DDX43: variants seen among roughly 807,000 people sequenced by gnomAD.
The protein encoded by DDX43 is DEAD-box helicase 43, also known as probable ATP-dependent RNA helicase DDX43.
A neutral mutation model predicts 84.9 loss-of-function variants in DDX43; 50 were observed. That is an observed-to-expected ratio of 0.59 (90% CI 0.47 to 0.75). The LOEUF is 0.75. DDX43 is among the 30% of genes least tolerant of loss of function. The probability of loss-of-function intolerance (pLI) is 0.00; values close to 1 mark genes in which losing one functional copy is unlikely to be tolerated. For missense variants in DDX43, 689 were observed against 798.6 expected (o/e 0.86, Z 1.65); for synonymous variants, 291 against 266.3 (o/e 1.09, Z -0.90).
At chr6:73,397,587 T>G in intron 1 of DDX43, 102 bp from the exon 2 acceptor site, 1 of 904,054 alleles carries the variant, frequency 1.1e-6, no homozygotes, top group Non-Finnish European at 1.7e-6. Context: ...CCTAGGAGCA[T>G]TTGGGGGGAA....
chr6:73,414,483 T>C (rs557349933), intron 13 of DDX43, 65 bp from the exon 14 acceptor site: 1 of 1,305,204 alleles, frequency 7.7e-7, no homozygotes, highest in East Asian at 2.4e-5. Flanking sequence ...GGGCAAATAT[T>C]ATTTTTAGAT....
intron 11 of DDX43, among the ~76,000 whole-genome samples, chr6:73,412,723 T>G (rs1462354761): frequency 6.5e-5 from 4 of 61,190 alleles, no homozygotes; most frequent in Admixed American, 6.2e-4. Flanking sequence ...GCAAGTGATA[T>G]ATAGCGTGTG....
intron 10 of DDX43, among the ~76,000 whole-genome samples, chr6:73,410,349 C>A (rs1007431060): frequency 6.6e-6 from 1 of 151,820 alleles, no homozygotes; most frequent in Non-Finnish European, 1.5e-5. Flanking sequence ...GTATTTTTAC[C>A]GATGGGGTTT....
At chr6:73,396,752 G>C (rs891758354) in intron 1 of DDX43, among the ~76,000 whole-genome samples, 3 of 152,104 alleles carry the variant, frequency 2.0e-5, no homozygotes, top group African/African-American at 7.2e-5. Context: ...CCATCCCAGG[G>C]ACCCACCATT....
At chr6:73,397,032 A>G (rs751575257) in intron 1 of DDX43, among the ~76,000 whole-genome samples, 7 of 152,192 alleles carry the variant, frequency 4.6e-5, no homozygotes, top group Admixed American at 6.6e-5. Context: ...GAAGTGCAAT[A>G]TATCTTTGAG....
At chr6:73,406,025 CT>C (rs149776059) in intron 6 of DDX43, among the ~76,000 whole-genome samples, 190 bp downstream of exon 6, 1,891 of 135,564 alleles carry the variant, frequency 0.014, 14 homozygotes, top group Middle Eastern at 0.022. Flanking sequence ...AAAATATGTA[CT>C]TTTTTTTTTT....
chr6:73,407,105 C>G (rs549542636), intron 7 of DDX43: 1 of 162,600 alleles, frequency 6.2e-6, no homozygotes, highest in South Asian at 1.8e-4. Context: ...CTATGTCTAA[C>G]TGATACTCAT....
intron 7 of DDX43, 66 bp from the exon 8 acceptor site, chr6:73,407,439 G>C: frequency 9.0e-7 from 1 of 1,112,038 alleles, no homozygotes; most frequent in Non-Finnish European, 1.4e-6. Context: ...AATCTTGATG[G>C]TACTGAATAA....
At chr6:73,412,442 T>C in intron 11 of DDX43, 150 bp downstream of exon 11, 1 of 622,046 alleles carries the variant, frequency 1.6e-6, no homozygotes, top group South Asian at 2.0e-5. Context: ...GATTATCTCA[T>C]TTGAAATTTC....
In DDX43 at chr6:73,405,716, G is replaced by A. The variant is rs745598162; in HGVS notation, c.688G>A (p.Asp230Asn). The change falls in exon 6 of 17, where the codon GAT becomes AAT. Residue 230 changes from aspartate to asparagine, a missense_variant. By Grantham distance (23) the Asp-to-Asn change is conservative. This residue lies in a region of DDX43 where 552 missense variants were observed against 692.7 expected (regional missense o/e 0.80). Coordinates refer to ENST00000370336, the MANE Select transcript of DDX43 (RefSeq NM_018665.3). Reference protein sequence around the residue: ...NFNITWDDLKDGEKRPIPNPT... With the variant: ...NFNITWDDLKNGEKRPIPNPT... ...TAATATAACGTGGGATGACTTGAAGGATGGGGAGAAACGACCTATCCCCAA... is the reference window on the plus strand; with the variant it reads ...TAATATAACGTGGGATGACTTGAAGAATGGGGAGAAACGACCTATCCCCAA... 30 of 1,613,972 alleles carry A rather than the reference G, an allele frequency of 1.9e-5. No homozygotes were observed. The highest frequency in any genetic ancestry group is 4.5e-5 in the East Asian group (2 of 44,886).
chr6:73,407,914 G>A, intron 8 of DDX43, 46 bp from the exon 9 acceptor site: 1 of 1,562,898 alleles, frequency 6.4e-7, no homozygotes, highest in Non-Finnish European at 8.7e-7. Context: ...GTTGTGATGA[G>A]ATATTCTGTG....
At position 73,395,036 on chromosome 6, in the gene DDX43, G is replaced by A. The variant is rs771739701; in HGVS notation, c.131G>A (p.Ser44Asn). 2 of 1,614,130 alleles carry A rather than the reference G, an allele frequency of 1.2e-6. No homozygotes were observed. The highest frequency in any genetic ancestry group is 1.7e-6 in the Non-Finnish European group (2 of 1,180,046). The part of the protein sequence containing the change: ...ELNRTGPEGY[S>N]VGRGGRWRGT... ...AATCGAACAGGTCCTGAGGGATATA[G>A]TGTCGGCAGAGGTGGTCGCTGGAGA... The change falls in exon 1 of 17, where the codon AGT (serine) becomes AAT (asparagine). Residue 44 changes from serine (S) to asparagine (N), a missense_variant. Coordinates refer to ENST00000370336, the MANE Select transcript of DDX43 (RefSeq NM_018665.3).
At chr6:73,395,285 C>A in intron 1 of DDX43, 130 bp downstream of exon 1, 1 of 1,185,778 alleles carries the variant, frequency 8.4e-7, no homozygotes, top group Non-Finnish European at 1.2e-6. Flanking sequence ...TCTCCCAGAG[C>A]TATTTGTAAA....
At position 73,416,191 on chromosome 6, in the gene DDX43, G is replaced by T; in HGVS notation, c.1912G>T (p.Glu638Ter). The change falls in exon 16 of 17, where the codon GAA (glutamate) becomes TAA (stop). Residue 638 changes from glutamate to a stop codon, truncating the protein, a stop_gained. Coordinates refer to ENST00000370336, the MANE Select transcript of DDX43 (RefSeq NM_018665.3). LOFTEE classifies it high-confidence loss of function. ...GAAAAGGGAAATGGAAAGAAAAATG[G>T]AAAGACCTCAAGGAAGGCCCAAGAA... is the stretch of plus-strand genomic sequence containing the variant. ...QQKREMERKM[E>*]RPQGRPKKFH The T allele has an allele frequency of 6.3e-7, 1 of 1,598,668 alleles. No individual in the cohort carries two copies. The highest frequency in any genetic ancestry group is 1.7e-5 in the Admixed American group (1 of 59,982).
Position 73,401,942 on chromosome 6 carries a change from G to GA in DDX43, c.521dup (p.Asp174GlufsTer4). The GA allele has an allele frequency of 6.2e-7, 1 of 1,614,146 alleles. No individual in the cohort carries two copies. The highest frequency in any genetic ancestry group is 8.5e-7 in the Non-Finnish European group (1 of 1,180,022). ...AGGAGATCGGCCATTGATAGATTGG[G>GA]ATCAAATTAGAGAGGAAGGTTTGAA... On this transcript the variant is annotated frameshift_variant, in exon 4 of 17. Transcript: ENST00000370336. LOFTEE classifies it high-confidence loss of function.
Position 73,407,677 on chromosome 6 carries a change from A to C in DDX43, c.1037+62A>C, listed in dbSNP as rs1369747362. On this transcript the variant is annotated intron_variant, in intron 8 of 16. Coordinates refer to ENST00000370336, the MANE Select transcript of DDX43 (RefSeq NM_018665.3). The stretch of plus-strand genomic sequence containing the variant: ...ATATTTTAATCATTTGTAGCTTTAC[A>C]CATCTTCCCCATCATTTTTCACACA... 1.9e-5 allele frequency: 22 copies of C among 1,173,230 alleles called. No individual in the cohort carries two copies. The East Asian group carries it at 4.9e-4, about 26-fold the overall frequency. 72.7% of individuals were successfully genotyped at this position (1,173,230 alleles called of 1,614,324 possible).
intron 14 of DDX43, 22 bp downstream of exon 14, chr6:73,414,708 A>T (rs199586617): frequency 6.3e-7 from 1 of 1,593,938 alleles, no homozygotes; most frequent in African/African-American, 1.3e-5. Flanking sequence ...TAGTCCACCC[A>T]TGAAAGGCCA....
In DDX43 at chr6:73,406,578, A is replaced by G. The variant is rs1362287781; in HGVS notation, c.926+96A>G. On this transcript the variant is annotated intron_variant, in intron 7 of 16. Coordinates refer to ENST00000370336, the MANE Select transcript of DDX43 (RefSeq NM_018665.3). ...GTTTCTTTACCTATTGCTTGATCCA[A>G]AGGTAATGCCTAGCTTCAGAGAAGA... 3 of 730,338 alleles carry G rather than the reference A, an allele frequency of 4.1e-6. No individual in the cohort carries two copies. In the East Asian group the frequency reaches 8.4e-5, roughly 21 times the overall value. 45.2% of individuals were successfully genotyped at this position (730,338 alleles called of 1,614,324 possible).
intron 2 of DDX43, among the ~76,000 whole-genome samples, chr6:73,398,956 A>AT (rs1364642072): frequency 1.3e-5 from 2 of 151,774 alleles, no homozygotes; most frequent in Admixed American, 1.3e-4. Flanking sequence ...ATTTTTTTAT[A>AT]TTTTTTTGAG....
Sources: allele counts gnomAD v4.1 joint callset (sites outside exome capture counted in the v4.1 genomes callset), GRCh38; gene constraint gnomAD v4.1.1; regional missense constraint gnomAD v4.1.1; transcripts MANE v1.5; gene names NCBI Gene and HGNC (gene_info 2026-07-23, HGNC 2026-07-21).